The following ZNF208 variants were observed in gnomAD, a reference collection of about 807,000 sequenced individuals.
The protein encoded by ZNF208 is zinc finger protein 208.
In ZNF208, 10 loss-of-function variants were observed where a neutral mutation model predicts 12.1. The ratio of observed to expected loss-of-function variants is 0.83; its 90% CI spans 0.51 to 1.40. The LOEUF (loss-of-function observed/expected upper bound fraction) is 1.40, where lower values mean the gene tolerates loss of function less well. ZNF208 is among the 40% of genes most tolerant of loss of function. The probability of loss-of-function intolerance (pLI) is 0.00; values close to 1 mark genes in which losing one functional copy is unlikely to be tolerated. For synonymous variants in ZNF208, 497 were observed against 488.4 expected (o/e 1.02, Z -0.23); for missense variants, 1,652 against 1,485.0 (o/e 1.11, Z -1.85).
In ZNF208 at chr19:21,974,240, G is replaced by A. The variant is rs377709801; in HGVS notation, c.794C>T (p.Ala265Val). The A allele has an allele frequency of 5.0e-5, 81 of 1,611,686 alleles. 4 individuals carry two copies. Among genetic ancestry groups the A allele is most frequent in the Non-Finnish European group, 6.7e-5 (79 of 1,178,826 alleles). The stretch of plus-strand genomic sequence containing the variant: ...AGTAAGGATTGCAGATTGGTTAAAA[G>A]CCTTGCCACATTCTTCACATTTGTA... ...KSYKCEECGK[A>V]FNQSAILTKH... Residue 265 changes from alanine (A) to valine (V), a missense_variant, in exon 4 of 4, where the codon GCT becomes GTT. This residue lies in a region of ZNF208 where 410 missense variants were observed against 378.2 expected (regional missense o/e 1.08). Coordinates refer to ENST00000397126, the MANE Select transcript of ZNF208 (RefSeq NM_007153.3).
chr19:21,964,439 C>T (rs977436709), downstream of ZNF208, among the ~76,000 whole-genome samples: 2 of 151,510 alleles, frequency 1.3e-5, no homozygotes, highest in Non-Finnish European at 3.0e-5. Flanking sequence ...ATTTCCTTCA[C>T]TTGTTAGAAA....
intron 3 of ZNF208, 107 bp from the exon 4 acceptor site, chr19:21,974,914 C>T: frequency 7.6e-7 from 1 of 1,313,512 alleles, no homozygotes. Context: ...CAAGATGACA[C>T]TGCAATATGA....
intron 2 of ZNF208, 37 bp from the exon 3 acceptor site, chr19:21,987,348 A>G (rs764009613): frequency 6.4e-7 from 1 of 1,574,348 alleles, no homozygotes; most frequent in South Asian, 1.2e-5. Flanking sequence ...CTTCTTGCTC[A>G]TATTCTCCAA....
downstream of ZNF208, among the ~76,000 whole-genome samples, chr19:21,961,309 G>T (rs981816675): frequency 6.6e-6 from 1 of 152,148 alleles, no homozygotes; most frequent in African/African-American, 2.4e-5. Context: ...AGGGGAGGGG[G>T]TGTACGAACA....
chr19:21,995,746 A>G (rs954633929), intron 1 of ZNF208, among the ~76,000 whole-genome samples: 1 of 152,188 alleles, frequency 6.6e-6, no homozygotes, highest in Non-Finnish European at 1.5e-5. Flanking sequence ...ATGGCTCTGG[A>G]TACTTTGTGG....
chr19:21,943,271 G>T (rs1969770111), intron 4 of ZNF208, among the ~76,000 whole-genome samples: 1 of 152,134 alleles, frequency 6.6e-6, no homozygotes, highest in Non-Finnish European at 1.5e-5. Flanking sequence ...TAAGCTTTCT[G>T]TAGATTAACA....
chr19:22,010,850 G>T lies in ZNF208; in HGVS notation c.-56C>A. 6.2e-7 allele frequency: 1 copy of T among 1,611,584 alleles called. No individual in the cohort carries two copies. Among genetic ancestry groups the T allele is most frequent in the Non-Finnish European group, 8.5e-7 (1 of 1,177,844 alleles). On this transcript the variant is annotated 5_prime_UTR_variant, in exon 1 of 4. It adds an upstream start codon to the 5' untranslated region. Transcript: ENST00000397126. The stretch of plus-strand genomic sequence containing the variant: ...AGTTGTGGATCTCCCAATACCTGCA[G>T]GTCATAGGGCCACAGAGGCTGGGAC...
chr19:21,994,690 T>A (rs1453249744), intron 1 of ZNF208, among the ~76,000 whole-genome samples: 1 of 152,092 alleles, frequency 6.6e-6, no homozygotes, highest in Non-Finnish European at 1.5e-5. Flanking sequence ...CTAGAATAAT[T>A]TTTTTAGAAG....
At chr19:21,956,138 G>C (rs1568435789) in intron 4 of ZNF208, among the ~76,000 whole-genome samples, 1 of 152,208 alleles carries the variant, frequency 6.6e-6, no homozygotes, top group South Asian at 2.1e-4. Context: ...ACCAGCGGAG[G>C]CTGCAGAACA....
chr19:21,981,715 C>T (rs1254228768), intron 3 of ZNF208, among the ~76,000 whole-genome samples: 1 of 152,110 alleles, frequency 6.6e-6, no homozygotes, highest in African/African-American at 2.4e-5. Flanking sequence ...TGAGGGCAAT[C>T]AGGCAAGAAA....
chr19:21,941,299 A>G, intron 4 of ZNF208: 2 of 399,018 alleles, frequency 5.0e-6, no homozygotes, highest in Non-Finnish European at 8.8e-6. Context: ...AACGCAGTGC[A>G]AAACAGTTCA....
rs764053191 is a variant in ZNF208 at position 21,973,596 on chromosome 19, G to A, written c.1438C>T (p.Pro480Ser). The change falls in exon 4 of 4, where the codon CCC (proline) becomes TCC (serine). Residue 480 changes from proline (P) to serine (S), a missense_variant. Coordinates refer to ENST00000397126, the MANE Select transcript of ZNF208 (RefSeq NM_007153.3). ...TTATCACATTCTTCACATTTGTAGG[G>A]TTTCTCTCCATTATGAATTACCTTA... is the stretch of plus-strand genomic sequence containing the variant. ...KHKVIHNGEK[P>S]YKCEECDKAT... 1.2e-6 allele frequency: 2 copies of A among 1,611,174 alleles called. No homozygotes were observed. The highest frequency in any genetic ancestry group is 3.4e-5 in the Admixed American group (2 of 59,606).
At chr19:22,010,082 G>A (rs10410914) in intron 1 of ZNF208, among the ~76,000 whole-genome samples, 61,755 of 151,786 alleles carry the variant, frequency 0.41, 12,829 homozygotes, top group East Asian at 0.48. Flanking sequence ...CTACTCGGAA[G>A]GCTGAGGCAG....
intron 4 of ZNF208, among the ~76,000 whole-genome samples, chr19:21,944,586 C>T (rs114646213): frequency 0.057 from 8,649 of 152,028 alleles, 749 homozygotes; most frequent in African/African-American, 0.19. Context: ...AAAATACTTA[C>T]AGCTACCGTG....
chr19:22,010,691 G>A (rs559911537), intron 1 of ZNF208, 101 bp downstream of exon 1: 74 of 1,571,590 alleles, frequency 4.7e-5, no homozygotes, highest in Non-Finnish European at 6.1e-5. Context: ...GCACAGATGT[G>A]GAGCTGACTG....
At chr19:21,983,125 G>A (rs1970573517) in intron 3 of ZNF208, among the ~76,000 whole-genome samples, 1 of 151,668 alleles carries the variant, frequency 6.6e-6, no homozygotes, top group African/African-American at 2.4e-5. Flanking sequence ...CTGACAAAGG[G>A]CTAATATCCA....
chr19:21,954,230 T>C (rs1969935462), intron 4 of ZNF208, among the ~76,000 whole-genome samples: 1 of 152,224 alleles, frequency 6.6e-6, no homozygotes, highest in African/African-American at 2.4e-5. Context: ...CTTTTCCATT[T>C]GCTGAGGAGT....
chr19:21,978,923 T>C (rs190330112), intron 3 of ZNF208, among the ~76,000 whole-genome samples: 1 of 152,142 alleles, frequency 6.6e-6, no homozygotes, highest in Non-Finnish European at 1.5e-5. Context: ...GAGAACTTCA[T>C]GAAGCATACA....
At chr19:22,001,688 A>G (rs900394127) in intron 1 of ZNF208, among the ~76,000 whole-genome samples, 2 of 151,900 alleles carry the variant, frequency 1.3e-5, no homozygotes, top group African/African-American at 2.4e-5. Flanking sequence ...TCAGGAGTTC[A>G]AGACCAGCCT....
Sources: allele counts gnomAD v4.1 joint callset (sites outside exome capture counted in the v4.1 genomes callset), GRCh38; gene constraint gnomAD v4.1.1; regional missense constraint gnomAD v4.1.1; transcripts MANE v1.5; gene names NCBI Gene and HGNC (gene_info 2026-07-23, HGNC 2026-07-21).